UBE2S: variants seen among roughly 807,000 people sequenced by gnomAD.
The protein encoded by UBE2S is ubiquitin conjugating enzyme E2 S.
UBE2S carries 3 observed loss-of-function variants against 12.3 expected under a neutral mutation model. That is an observed-to-expected ratio of 0.24 (90% CI 0.11 to 0.63). The LOEUF (loss-of-function observed/expected upper bound fraction) is 0.63. Ranked by LOEUF, UBE2S falls within the 30% of genes least tolerant of loss-of-function variation. The probability of loss-of-function intolerance (pLI) is 0.85; values close to 1 mark genes in which losing one functional copy is unlikely to be tolerated. For missense variants in UBE2S, 211 were observed against 313.9 expected, an observed-to-expected ratio of 0.67 and a Z score of 2.48; for synonymous variants, 133 against 142.0, an observed-to-expected ratio of 0.94 and a Z score of 0.45.
At position 55,404,147 on chromosome 19, in the gene UBE2S, G is replaced by T. The variant is rs1240699265; in HGVS notation, c.342+141C>A. ...TGGCACTGTTTGTCTTTCCAGGAAA[G>T]CTAGCAACATGGATTTTTATGTGGA... On this transcript the variant is annotated intron_variant, in intron 3 of 3. Coordinates refer to ENST00000264552, the MANE Select transcript of UBE2S (RefSeq NM_014501.3). This position sits in a 1 kb window ranked among gnomAD's most constrained non-coding sequence, Gnocchi z 4.4. 8.8e-7 allele frequency: 1 copy of T among 1,134,124 alleles called. No homozygotes were observed. Among genetic ancestry groups the T allele is most frequent in the Non-Finnish European group, 1.3e-6 (1 of 798,140 alleles). The allele number at this position is 1,134,124 out of a possible 1,614,324, so 70.3% of individuals were successfully genotyped here.
Position 55,404,997 on chromosome 19 carries a change from G to T in UBE2S, c.152-519C>A, listed in dbSNP as rs1394923479. Among the ~76,000 whole-genome samples the T allele has an allele frequency of 2.6e-5, 4 of 151,256 alleles. No individual in the cohort carries two copies. In the East Asian group the frequency reaches 5.9e-4, roughly 22 times the overall value. Reference sequence around the variant, plus strand: ...AGGCTAAGGCGGGTGGATCACCTGAGGTCAGGAGTTCAAGACCAGCCAGAC... The same window carrying T: ...AGGCTAAGGCGGGTGGATCACCTGATGTCAGGAGTTCAAGACCAGCCAGAC... On this transcript the variant is annotated intron_variant, in intron 2 of 3. Transcript: ENST00000264552. This position sits in a 1 kb window ranked among gnomAD's most constrained non-coding sequence, Gnocchi z 4.4.
At chr19:55,401,818 G>A in intron 3 of UBE2S, 56 bp from the exon 4 acceptor site, 2 of 1,591,776 alleles carry the variant, frequency 1.3e-6, no homozygotes, top group South Asian at 1.1e-5. Context: ...GGACCCCCAG[G>A]CCTCCACAAG....
chr19:55,401,130 C>A lies in UBE2S; in HGVS notation c.*306G>T. The A allele has an allele frequency of 2.2e-6, 1 of 454,004 alleles. No homozygotes were observed. The highest frequency in any genetic ancestry group is 3.9e-6 in the Non-Finnish European group (1 of 254,634). 28.1% of individuals were successfully genotyped at this position (454,004 alleles called of 1,614,324 possible). A position where few individuals can be genotyped will look rare whatever the true frequency, so the allele number is the denominator to read the frequency against. ...CCTCCACAGAACAAAGAGGTGGACC[C>A]AAACCTCAAACAGCAAGGCTGGTGA... On this transcript the variant is annotated 3_prime_UTR_variant, in exon 4 of 4. Coordinates refer to ENST00000264552, the MANE Select transcript of UBE2S (RefSeq NM_014501.3).
At chr19:55,405,150 C>T (rs1402969425) in intron 2 of UBE2S, among the ~76,000 whole-genome samples, 3 of 144,396 alleles carry the variant, frequency 2.1e-5, no homozygotes, top group Non-Finnish European at 4.5e-5. Context: ...GGGGAGGTTG[C>T]AGTGTGCGGA....
At chr19:55,402,898 C>T (rs2090071244) in intron 3 of UBE2S, 2 of 1,493,796 alleles carry the variant, frequency 1.3e-6, no homozygotes, top group Non-Finnish European at 1.8e-6. Flanking sequence ...CTGCCATGTG[C>T]CCCAGGGACT....
chr19:55,401,340 C>A lies in UBE2S; in HGVS notation c.*96G>T, dbSNP rs1156498325. On this transcript the variant is annotated 3_prime_UTR_variant, in exon 4 of 4. Transcript: ENST00000264552. ...CAGGTCCCAGTGCCCCCTGTACCCTCCCCGACCCCAGCCATAATTTAAATA... is the reference window on the plus strand; with the variant it reads ...CAGGTCCCAGTGCCCCCTGTACCCTACCCGACCCCAGCCATAATTTAAATA... The A allele has an allele frequency of 4.0e-6, 4 of 1,005,560 alleles. No homozygotes were observed. In the African/African-American group the frequency reaches 6.5e-5, roughly 16 times the overall value. 62.3% of individuals were successfully genotyped at this position (1,005,560 alleles called of 1,614,324 possible).
At chr19:55,405,267 T>C (rs1348925036) in intron 2 of UBE2S, among the ~76,000 whole-genome samples, 2 of 148,744 alleles carry the variant, frequency 1.3e-5, no homozygotes, top group East Asian at 3.9e-4. Context: ...CCCAGCACTT[T>C]GGGAGGCTGA....
Position 55,404,365 on chromosome 19 carries a change from C to T in UBE2S, c.265G>A (p.Gly89Ser). 6.2e-7 allele frequency: 1 copy of T among 1,613,918 alleles called. No individual in the cohort carries two copies. The highest frequency in any genetic ancestry group is 8.5e-7 in the Non-Finnish European group (1 of 1,179,844). ...FLTKIFHPNV[G>S]ANGEICVNVL... is the part of the protein sequence containing the mutation. The stretch of plus-strand genomic sequence containing the variant: ...TTGACGCAGATCTCGCCATTGGCGC[C>T]CACGTTCGGGTGGAAGATCTTGGTC... Residue 89 changes from glycine to serine, a missense_variant, in exon 3 of 4, where the codon GGC becomes AGC. Physicochemically the swap from Gly to Ser is moderately conservative, Grantham distance 56 (BLOSUM62 0). Coordinates refer to ENST00000264552, the MANE Select transcript of UBE2S (RefSeq NM_014501.3). This position sits in a 1 kb window ranked among gnomAD's most constrained non-coding sequence, Gnocchi z 4.4.
chr19:55,401,140 A>T lies in UBE2S; in HGVS notation c.*296T>A. 1 of 467,226 alleles carries T rather than the reference A, an allele frequency of 2.1e-6. No homozygotes were observed. The highest frequency in any genetic ancestry group is 3.8e-6 in the Non-Finnish European group (1 of 262,600). 28.9% of individuals were successfully genotyped at this position (467,226 alleles called of 1,614,324 possible). A position where few individuals can be genotyped will look rare whatever the true frequency, so the allele number is the denominator to read the frequency against. On this transcript the variant is annotated 3_prime_UTR_variant, in exon 4 of 4. Coordinates refer to ENST00000264552, the MANE Select transcript of UBE2S (RefSeq NM_014501.3). ...ACAAAGAGGTGGACCCAAACCTCAAACAGCAAGGCTGGTGAGCTAGATGGA... is the reference window on the plus strand; with the variant it reads ...ACAAAGAGGTGGACCCAAACCTCAATCAGCAAGGCTGGTGAGCTAGATGGA...
intron 3 of UBE2S, chr19:55,403,094 T>G: frequency 2.8e-6 from 3 of 1,058,046 alleles, no homozygotes; most frequent in Non-Finnish European, 4.2e-6. Context: ...ACCCTTGGCC[T>G]CCACCCACTA....
chr19:55,404,442 T>G lies in UBE2S; in HGVS notation c.188A>C (p.Lys63Thr), dbSNP rs1415474642. The stretch of plus-strand genomic sequence containing the variant: ...AGGGAAGTCCTTCCCCAGCAGGAGT[T>G]TCATGCGGAACAGACCTCCAGCATA... ...TPYAGGLFRM[K>T]LLLGKDFPAS... The change falls in exon 3 of 4, where the codon AAA becomes ACA. Residue 63 changes from lysine to threonine, a missense_variant. By Grantham distance (78) the Lys-to-Thr change is moderately conservative. This residue lies in a region of UBE2S where 127 missense variants were observed against 224.0 expected (regional missense o/e 0.57). Transcript: ENST00000264552. The surrounding 1 kb of genome is among the most constrained non-coding windows in gnomAD (Gnocchi z 4.4). The G allele has an allele frequency of 1.2e-6, 2 of 1,611,762 alleles. No homozygotes were observed. Among genetic ancestry groups the G allele is most frequent in the Non-Finnish European group, 1.7e-6 (2 of 1,178,818 alleles).
rs370647044 is a variant in UBE2S, at chr19:55,406,899, G to C, written c.67C>G (p.Leu23Val). The change falls in exon 2 of 4, where the codon CTG becomes GTG. Residue 23 changes from leucine to valine, a missense_variant. By Grantham distance (32) the Leu-to-Val change is conservative. Transcript: ENST00000264552. ...IRLVYKEVTT[L>V]TADPPDGIKV... ...ATGCCATCGGGTGGGTCTGCGGTCA[G>C]TGTCGTCACCTCCTTGTACACCAGG... is the stretch of plus-strand genomic sequence containing the variant. 6.8e-6 allele frequency: 11 copies of C among 1,614,058 alleles called. No homozygotes were observed. Among genetic ancestry groups the C allele is most frequent in the Non-Finnish European group, 9.3e-6 (11 of 1,179,964 alleles).
intron 3 of UBE2S, chr19:55,402,894 T>A (rs1433605844): frequency 6.8e-7 from 1 of 1,476,028 alleles, no homozygotes; most frequent in South Asian, 1.3e-5. Flanking sequence ...CTCTCTGCCA[T>A]GTGCCCCAGG....
chr19:55,402,658 C>G (rs2090069014), intron 3 of UBE2S, among the ~76,000 whole-genome samples: 1 of 152,184 alleles, frequency 6.6e-6, no homozygotes, highest in Non-Finnish European at 1.5e-5. Context: ...ATCACTGCAC[C>G]CAAACTGCAG....
At chr19:55,405,680 G>C (rs975707178) in intron 2 of UBE2S, among the ~76,000 whole-genome samples, 2 of 152,112 alleles carry the variant, frequency 1.3e-5, no homozygotes, top group African/African-American at 4.8e-5. Flanking sequence ...CCAGTCACAG[G>C]CCCTTCCCAG....
intron 2 of UBE2S, among the ~76,000 whole-genome samples, chr19:55,405,515 GAAAA>G (rs912814032): frequency 3.4e-5 from 5 of 147,674 alleles, no homozygotes; most frequent in African/African-American, 1.2e-4. Flanking sequence ...TTTAGAGAGA[GAAAA>G]AAAAAAGAGC....
chr19:55,404,623 C>A lies in UBE2S; in HGVS notation c.152-145G>T. 1 of 748,742 alleles carries A rather than the reference C, an allele frequency of 1.3e-6. No homozygotes were observed. Among genetic ancestry groups the A allele is most frequent in the Non-Finnish European group, 2.1e-6 (1 of 466,160 alleles). The allele number at this position is 748,742 out of a possible 1,614,324, so 46.4% of individuals were successfully genotyped here. A position where few individuals can be genotyped will look rare whatever the true frequency, so the allele number is the denominator to read the frequency against. On this transcript the variant is annotated intron_variant, in intron 2 of 3. Transcript: ENST00000264552. This position sits in a 1 kb window ranked among gnomAD's most constrained non-coding sequence, Gnocchi z 4.4. ...CAACAGACTGGAGGATTCTTTTTTT[C>A]TTTTTTTGAAATAAGGTCTCTTGTG... is the stretch of plus-strand genomic sequence containing the variant.
intron 2 of UBE2S, among the ~76,000 whole-genome samples, chr19:55,405,018 C>CA (rs1482567455): frequency 6.6e-6 from 1 of 151,226 alleles, no homozygotes; most frequent in Admixed American, 6.6e-5. Flanking sequence ...CAAGACCAGC[C>CA]AGACCAACAT....
chr19:55,405,438 G>A (rs1025868144), intron 2 of UBE2S, among the ~76,000 whole-genome samples: 3 of 152,026 alleles, frequency 2.0e-5, no homozygotes, highest in African/African-American at 7.2e-5. Flanking sequence ...GAACCCAGGA[G>A]GCAGAGGTTG....
Sources: gnomAD v4.1 joint callset for allele counts (sites outside exome capture counted in the v4.1 genomes callset) on GRCh38, gnomAD v4.1.1 for gene constraint, gnomAD v4.1.1 regional missense constraint, Gnocchi (gnomAD v3.1) non-coding constraint, MANE v1.5 for transcripts, NCBI Gene and HGNC (gene_info 2026-07-23, HGNC 2026-07-21) for gene names.